Variants in FER observed in about 807,000 individuals in gnomAD.
FER encodes FER tyrosine kinase.
FER carries 63 observed loss-of-function variants against 111.0 expected under a neutral mutation model. The observed-to-expected ratio is 0.57, with a 90% CI of 0.46 to 0.70. The LOEUF (loss-of-function observed/expected upper bound fraction) is 0.70, where lower values mean the gene tolerates loss of function less well. Ranked by LOEUF, FER falls within the 30% of genes least tolerant of loss-of-function variation. The pLI is 0.00. For synonymous variants in FER, 327 were observed against 313.9 expected, an observed-to-expected ratio of 1.04 and a Z score of -0.44; for missense variants, 914 against 954.0, an observed-to-expected ratio of 0.96 and a Z score of 0.55.
At chr5:109,011,080 A>G (rs1766200751) in intron 13 of FER, among the ~76,000 whole-genome samples, 1 of 152,200 alleles carries the variant, frequency 6.6e-6, no homozygotes, top group Non-Finnish European at 1.5e-5. Context: ...ATGTCCAAAT[A>G]CATTTACATT....
chr5:108,807,634 G>A (rs2150068674), intron 3 of FER, among the ~76,000 whole-genome samples: 1 of 152,044 alleles, frequency 6.6e-6, no homozygotes, highest in Non-Finnish European at 1.5e-5. Flanking sequence ...TTTTTCTTTG[G>A]TTTTGGTTAC....
intron 17 of FER, among the ~76,000 whole-genome samples, chr5:109,110,423 C>A (rs1418915845): frequency 1.3e-5 from 2 of 151,928 alleles, no homozygotes; most frequent in Non-Finnish European, 2.9e-5. Context: ...TGGCAATGAG[C>A]ATTGGAACTG....
chr5:108,808,203 A>G (rs183203457), intron 3 of FER, among the ~76,000 whole-genome samples: 21 of 152,006 alleles, frequency 1.4e-4, no homozygotes, highest in African/African-American at 4.6e-4. Context: ...GATCTGTCTG[A>G]TGCTATCAGT....
intron 17 of FER, chr5:109,177,445 C>T (rs1298304113): frequency 6.6e-6 from 1 of 151,634 alleles, no homozygotes; most frequent in Non-Finnish European, 1.5e-5. Flanking sequence ...AAAAATTTCT[C>T]TAACTTTTTT....
At chr5:109,085,764 G>A (rs1250186745) in intron 16 of FER, among the ~76,000 whole-genome samples, 1 of 151,650 alleles carries the variant, frequency 6.6e-6, no homozygotes, top group Non-Finnish European at 1.5e-5. Flanking sequence ...AAAATCATTA[G>A]TAGATACTGA....
At chr5:108,896,181 C>A (rs1050572472) in intron 9 of FER, among the ~76,000 whole-genome samples, 1 of 150,662 alleles carries the variant, frequency 6.6e-6, no homozygotes, top group Non-Finnish European at 1.5e-5. Context: ...TTCTTGGTAG[C>A]TAGGAGATGC....
intron 16 of FER, among the ~76,000 whole-genome samples, chr5:109,090,595 A>T (rs115764206): frequency 0.01 from 1,595 of 152,324 alleles, 22 homozygotes; most frequent in African/African-American, 0.036. Flanking sequence ...CAAAAAAATC[A>T]GGAAAACAAT....
chr5:108,822,436 C>T (rs376818459), intron 3 of FER, among the ~76,000 whole-genome samples: 46 of 152,186 alleles, frequency 3.0e-4, no homozygotes, highest in South Asian at 2.3e-3. Flanking sequence ...CCCTGGCTTC[C>T]GGTGAGAACT....
At chr5:108,870,133 A>G (rs1490834230) in intron 6 of FER, among the ~76,000 whole-genome samples, 6 of 152,084 alleles carry the variant, frequency 3.9e-5, no homozygotes, top group Non-Finnish European at 8.8e-5. Flanking sequence ...GAGACATATA[A>G]TGGTTTCTCA....
At chr5:108,803,943 T>C (rs1237658455) in intron 3 of FER, among the ~76,000 whole-genome samples, 2 of 152,190 alleles carry the variant, frequency 1.3e-5, no homozygotes, top group African/African-American at 4.8e-5. Context: ...TTTAATGATA[T>C]TGATTCTTTC....
At chr5:109,007,822 A>G (rs1210938546) in intron 13 of FER, among the ~76,000 whole-genome samples, 3 of 152,200 alleles carry the variant, frequency 2.0e-5, no homozygotes, top group African/African-American at 7.2e-5. Flanking sequence ...TTAAGTTTAT[A>G]AGAAACTGCC....
In FER at chr5:109,128,309, C is replaced by A. The variant is rs758875524; in HGVS notation, c.2048+27790C>A. ...TATTCTTTCAGTTCCCAGATTCTCACATTTGTAAGTGTAATAATGAGTTTT... is the reference window on the plus strand; with the variant it reads ...TATTCTTTCAGTTCCCAGATTCTCAAATTTGTAAGTGTAATAATGAGTTTT... On this transcript the variant is annotated intron_variant, in intron 17 of 19. Coordinates refer to ENST00000281092, the MANE Select transcript of FER (RefSeq NM_005246.4). Among the ~76,000 whole-genome samples, 3 of 151,828 alleles carry A rather than the reference C, an allele frequency of 2.0e-5. No individual in the cohort carries two copies. In the East Asian group the frequency reaches 5.8e-4, roughly 29 times the overall value.
chr5:109,126,750 G>A (rs913705542), intron 17 of FER, among the ~76,000 whole-genome samples: 2 of 152,132 alleles, frequency 1.3e-5, no homozygotes, highest in Non-Finnish European at 2.9e-5. Context: ...AGGCAAGAGA[G>A]GCAGATAAAA....
rs370327650 is a variant in FER, at chr5:109,059,181, A to G, written c.1924+11983A>G. ...AGCAGATGTACATCTCAGAATTTGT[A>G]AAGATAAATCAGCAGAAAAGCAAAA... On this transcript the variant is annotated intron_variant, in intron 16 of 19. Coordinates refer to ENST00000281092, the MANE Select transcript of FER (RefSeq NM_005246.4). 2.4e-4 allele frequency among the ~76,000 whole-genome samples: 37 copies of G among 152,324 alleles called. 1 individual carries two copies. In the South Asian group the frequency reaches 7.5e-3, roughly 31 times the overall value.
At chr5:108,816,406 C>A (rs560366361) in intron 3 of FER, among the ~76,000 whole-genome samples, 1 of 152,294 alleles carries the variant, frequency 6.6e-6, no homozygotes, top group Non-Finnish European at 1.5e-5. Flanking sequence ...TTACAGAATT[C>A]GCAAGTTGCA....
intron 13 of FER, among the ~76,000 whole-genome samples, chr5:109,027,382 A>G (rs1477226212): frequency 1.3e-5 from 2 of 152,204 alleles, no homozygotes; most frequent in African/African-American, 2.4e-5. Flanking sequence ...CTTCAGTCAC[A>G]TGGAAGCAAG....
At chr5:108,981,363 A>G (rs1479115270) in intron 13 of FER, among the ~76,000 whole-genome samples, 1 of 152,010 alleles carries the variant, frequency 6.6e-6, no homozygotes, top group Non-Finnish European at 1.5e-5. Context: ...TTGAAACTGG[A>G]GAGAAGAGAA....
chr5:109,100,482 G>C lies in FER; in HGVS notation c.2011G>C (p.Gly671Arg). 6.2e-7 allele frequency: 1 copy of C among 1,611,248 alleles called. No homozygotes were observed. Among genetic ancestry groups the C allele is most frequent in the Non-Finnish European group, 8.5e-7 (1 of 1,177,994 alleles). ...LVKFSLDAAA[G>R]MLYLESKNCI... ...GAAATTTTCATTAGACGCTGCTGCT[G>C]GTATGTTGTATCTCGAGAGTAAAAA... Residue 671 changes from glycine (G) to arginine (R), a missense_variant, in exon 17 of 20, where the codon GGT (glycine) becomes CGT (arginine). Gly to Arg is a moderately radical substitution (Grantham distance 125). This residue lies in a region of FER where 774 missense variants were observed against 782.6 expected (regional missense o/e 0.99). Transcript: ENST00000281092.
intron 16 of FER, among the ~76,000 whole-genome samples, chr5:109,080,584 AATCTGT>A (rs1200656166): frequency 6.6e-6 from 1 of 152,110 alleles, no homozygotes; most frequent in Non-Finnish European, 1.5e-5. Context: ...GTTCTCTGGC[AATCTGT>A]AAGGCAGTAT....
Sources: gnomAD v4.1 joint callset for allele counts (sites outside exome capture counted in the v4.1 genomes callset) on GRCh38, gnomAD v4.1.1 for gene constraint, gnomAD v4.1.1 regional missense constraint, MANE v1.5 for transcripts, NCBI Gene and HGNC (gene_info 2026-07-23, HGNC 2026-07-21) for gene names.